BTBD9: variants seen among roughly 807,000 people sequenced by gnomAD.
BTBD9 encodes the protein BTB/POZ domain-containing protein 9.
In BTBD9, 49 loss-of-function variants were observed where a neutral mutation model predicts 64.3. That is an observed-to-expected ratio of 0.76 (90% CI 0.61 to 0.97). BTBD9 has a LOEUF of 0.97. BTBD9 is among the 50% of genes least tolerant of loss of function. The pLI, the probability that BTBD9 is intolerant of heterozygous loss-of-function variation, is 0.00. For missense variants in BTBD9, 598 were observed against 762.1 expected (o/e 0.78, Z 2.53); for synonymous variants, 260 against 274.7 (o/e 0.95, Z 0.53).
chr6:38,210,536 T>TTGTGTGTGTGTGTGTGTGTG (rs71542165), intron 9 of BTBD9, among the ~76,000 whole-genome samples: 33 of 146,452 alleles, frequency 2.3e-4, no homozygotes, highest in African/African-American at 8.2e-4. Context: ...GTGCGTGTGT[T>TTGTGTGTGTGTGTGTGTGTG]TGTGTGTGTG....
intron 6 of BTBD9, among the ~76,000 whole-genome samples, chr6:38,460,359 A>G (rs534922470): frequency 6.6e-6 from 1 of 152,224 alleles, no homozygotes; most frequent in African/African-American, 2.4e-5. Flanking sequence ...CTACCCAGGA[A>G]TCTGACAACA....
chr6:38,380,999 A>G (rs1302083775), intron 6 of BTBD9, among the ~76,000 whole-genome samples: 7 of 151,868 alleles, frequency 4.6e-5, no homozygotes, highest in Middle Eastern at 3.4e-3. Context: ...GTATAGTAAG[A>G]GGGGGTCAGA....
intron 1 of BTBD9, among the ~76,000 whole-genome samples, chr6:38,600,107 A>G (rs1044957520): frequency 6.6e-6 from 1 of 152,382 alleles, no homozygotes; most frequent in Middle Eastern, 3.4e-3. Flanking sequence ...GTGACACAGT[A>G]GTCTTAATGT....
intron 6 of BTBD9, among the ~76,000 whole-genome samples, chr6:38,365,815 A>T (rs762830029): frequency 6.6e-6 from 1 of 152,084 alleles, no homozygotes; most frequent in Non-Finnish European, 1.5e-5. Flanking sequence ...AATGCTACCG[A>T]TAAGTAACAT....
chr6:38,440,022 T>G (rs548668898), intron 6 of BTBD9, among the ~76,000 whole-genome samples: 1 of 152,188 alleles, frequency 6.6e-6, no homozygotes, highest in Non-Finnish European at 1.5e-5. Flanking sequence ...AGTATGGCTT[T>G]GTTTATGTTA....
At chr6:38,574,062 G>A (rs1019279902) in intron 6 of BTBD9, among the ~76,000 whole-genome samples, 4 of 152,190 alleles carry the variant, frequency 2.6e-5, no homozygotes, top group African/African-American at 4.8e-5. Flanking sequence ...TCCATCTCCA[G>A]TTAAAGGCTG....
intron 7 of BTBD9, among the ~76,000 whole-genome samples, chr6:38,299,657 T>C (rs931327910): frequency 1.3e-5 from 2 of 152,234 alleles, no homozygotes; most frequent in African/African-American, 4.8e-5. Flanking sequence ...AATATCTTCT[T>C]TTGAGAAGTG....
intron 10 of BTBD9, among the ~76,000 whole-genome samples, chr6:38,178,670 A>T (rs4336442): frequency 0.085 from 12,808 of 151,316 alleles, 607 homozygotes; most frequent in Non-Finnish European, 0.11. Flanking sequence ...GTGTGGAAGA[A>T]AAACAGGAAG....
At chr6:38,547,648 C>T (rs958185080) in intron 6 of BTBD9, among the ~76,000 whole-genome samples, 2 of 152,080 alleles carry the variant, frequency 1.3e-5, no homozygotes, top group African/African-American at 2.4e-5. Context: ...TTCCTTCATC[C>T]GTTCATGCTG....
intron 10 of BTBD9, among the ~76,000 whole-genome samples, chr6:38,178,874 GAC>G (rs2127472390): frequency 6.6e-6 from 1 of 151,148 alleles, no homozygotes; most frequent in East Asian, 1.9e-4. Context: ...TTATTTATGA[GAC>G]AGAGTCTCGC....
intron 6 of BTBD9, among the ~76,000 whole-genome samples, chr6:38,429,721 G>A (rs977843147): frequency 6.6e-6 from 1 of 151,894 alleles, no homozygotes; most frequent in Non-Finnish European, 1.5e-5. Context: ...CTAGTGTTAC[G>A]CATTTTTTCT....
In BTBD9 at chr6:38,580,445, T is replaced by C; in HGVS notation, c.815-8A>G. The C allele has an allele frequency of 2.5e-6, 4 of 1,605,664 alleles. No homozygotes were observed. The highest frequency in any genetic ancestry group is 3.4e-6 in the Non-Finnish European group (4 of 1,174,448). ...CAATGTTTTCTTCTGGTACTACAGT[T>C]AAAAATAGAAAAAGCAAGGTTAATG... On this transcript the variant is annotated splice_region_variant and splice_polypyrimidine_tract_variant and intron_variant, in intron 4 of 10. Coordinates refer to ENST00000481247, the MANE Select transcript of BTBD9 (RefSeq NM_001099272.2).
chr6:38,303,922 T>C (rs773620120), intron 7 of BTBD9, among the ~76,000 whole-genome samples: 1 of 140,370 alleles, frequency 7.1e-6, no homozygotes, highest in Non-Finnish European at 1.5e-5. Context: ...TGTGTATATA[T>C]ATATATACAC....
At chr6:38,334,838 T>C (rs1390473628) in intron 7 of BTBD9, among the ~76,000 whole-genome samples, 1 of 151,754 alleles carries the variant, frequency 6.6e-6, no homozygotes, top group East Asian at 1.9e-4. Flanking sequence ...TAAAAATTTT[T>C]TTCCCGGCAA....
chr6:38,438,271 T>C (rs1768847371), intron 6 of BTBD9, among the ~76,000 whole-genome samples: 1 of 89,000 alleles, frequency 1.1e-5, no homozygotes, highest in African/African-American at 4.6e-5. Flanking sequence ...AGGAACAGAC[T>C]ACTACTGGAT....
intron 10 of BTBD9, among the ~76,000 whole-genome samples, chr6:38,190,467 T>TTAA (rs1491291876): frequency 1.2e-4 from 9 of 77,510 alleles, no homozygotes; most frequent in African/African-American, 4.2e-4. Context: ...AAACTCTGTC[T>TTAA]AAAAAAAAAA....
intron 7 of BTBD9, among the ~76,000 whole-genome samples, chr6:38,291,401 CG>C (rs1490703511): frequency 2.0e-5 from 3 of 152,120 alleles, no homozygotes; most frequent in African/African-American, 7.2e-5. Flanking sequence ...TGGGTTGAGA[CG>C]ATGGGATTAT....
chr6:38,589,339 T>C (rs1234474580), intron 4 of BTBD9, among the ~76,000 whole-genome samples: 1 of 152,176 alleles, frequency 6.6e-6, no homozygotes, highest in East Asian at 1.9e-4. Context: ...AAACAAATCC[T>C]CACTCCTGCA....
rs775242802 is a variant in BTBD9 at position 38,594,171 on chromosome 6, CA to C, written c.341del (p.Leu114Ter). 1 of 1,614,160 alleles carries C rather than the reference CA, an allele frequency of 6.2e-7. No individual in the cohort carries two copies. Among genetic ancestry groups the C allele is most frequent in the African/African-American group, 1.3e-5 (1 of 75,042 alleles). On this transcript the variant is annotated frameshift_variant, in exon 3 of 11. Transcript: ENST00000481247. LOFTEE classifies it high-confidence loss of function. The stretch of plus-strand genomic sequence containing the variant: ...GAAATCCATATTTATGAGCCAGGCT[CA>C]AAAAGTCCAGCAGCACCTCCTCCTT... ...DEKEEVLLDFLSLAHKYGFPE... is the reference protein window; with the variant it reads ...DEKEEVLLDFXSLAHKYGFPE...
Sources: allele counts gnomAD v4.1 joint callset (sites outside exome capture counted in the v4.1 genomes callset), GRCh38; gene constraint gnomAD v4.1.1; transcripts MANE v1.5; gene names NCBI Gene and HGNC (gene_info 2026-07-23, HGNC 2026-07-21).